ZNF568: variants seen among roughly 807,000 people sequenced by gnomAD.
ZNF568 encodes the protein zinc finger protein 568.
In ZNF568, 11 loss-of-function variants were observed where a neutral mutation model predicts 18.1. That is an observed-to-expected ratio of 0.61 (90% CI 0.38 to 1.00). ZNF568 has a LOEUF of 1.00. ZNF568 is among the 50% of genes least tolerant of loss of function. The pLI, the probability that ZNF568 is intolerant of heterozygous loss-of-function variation, is 0.01. For synonymous variants in ZNF568, 213 were observed against 246.6 expected, an observed-to-expected ratio of 0.86 and a Z score of 1.28; for missense variants, 639 against 768.2, an observed-to-expected ratio of 0.83 and a Z score of 1.99.
chr19:36,989,107 T>G (rs1026223530), intron 2 of ZNF568, among the ~76,000 whole-genome samples: 1 of 152,204 alleles, frequency 6.6e-6, no homozygotes, highest in African/African-American at 2.4e-5. Flanking sequence ...TTCCTAAAAC[T>G]TCTTGGCTTC....
Position 36,950,152 on chromosome 19 carries a change from C to G in ZNF568, c.999C>G (p.Pro333=). 1 of 1,613,464 alleles carries G rather than the reference C, an allele frequency of 6.2e-7. No individual in the cohort carries two copies. The highest frequency in any genetic ancestry group is 8.5e-7 in the Non-Finnish European group (1 of 1,179,790). Residue 333 remains proline, a synonymous_variant, in exon 7 of 7, where the codon CCC becomes CCG. Coordinates refer to ENST00000333987, the MANE Select transcript of ZNF568 (RefSeq NM_198539.4). ...EHERIHTGEK[P]YECKECGKSF... ...AGCGAATTCACACTGGAGAGAAACC[C>G]TATGAATGTAAGGAATGTGGGAAAT...
chr19:36,990,187 T>G (rs1397263173), intron 2 of ZNF568, among the ~76,000 whole-genome samples: 3 of 152,168 alleles, frequency 2.0e-5, no homozygotes, highest in Non-Finnish European at 1.5e-5. Context: ...TTTGAACTTG[T>G]GTAGTATGTG....
At chr19:36,969,781 ATTTTTTTTTT>A (rs200089198) in intron 6 of ZNF568, among the ~76,000 whole-genome samples, 11 of 77,116 alleles carry the variant, frequency 1.4e-4, no homozygotes, top group African/African-American at 4.7e-4. Flanking sequence ...CCATCTCAAG[ATTTTTTTTTT>A]TTTTTTTTTT....
Position 36,950,141 on chromosome 19 carries a change from G to A in ZNF568, c.988G>A (p.Gly330Arg). 1.2e-6 allele frequency: 2 copies of A among 1,613,930 alleles called. No homozygotes were observed. Among genetic ancestry groups the A allele is most frequent in the Non-Finnish European group, 8.5e-7 (1 of 1,179,946 alleles). ...NLIEHERIHTGEKPYECKECG... is the reference protein window; with the variant it reads ...NLIEHERIHTREKPYECKECG... Reference sequence around the variant, plus strand: ...CATTGAACATGAGCGAATTCACACTGGAGAGAAACCCTATGAATGTAAGGA... The same window carrying A: ...CATTGAACATGAGCGAATTCACACTAGAGAGAAACCCTATGAATGTAAGGA... The change falls in exon 7 of 7, where the codon GGA (glycine) becomes AGA (arginine). Residue 330 changes from glycine (G) to arginine (R), a missense_variant. Physicochemically the swap from Gly to Arg is moderately radical, Grantham distance 125. Coordinates refer to ENST00000333987, the MANE Select transcript of ZNF568 (RefSeq NM_198539.4).
intron 6 of ZNF568, among the ~76,000 whole-genome samples, chr19:36,944,796 A>C (rs919072399): frequency 2.0e-5 from 3 of 152,180 alleles, no homozygotes; most frequent in African/African-American, 7.2e-5. Flanking sequence ...ATTAATTTCA[A>C]ATTAACAGTA....
In ZNF568 at chr19:36,922,709, A is replaced by G. The variant is rs1167654082; in HGVS notation, c.-62A>G. On this transcript the variant is annotated 5_prime_UTR_variant, in exon 3 of 7. Coordinates refer to ENST00000333987, the MANE Select transcript of ZNF568 (RefSeq NM_198539.4). The stretch of plus-strand genomic sequence containing the variant: ...TAGAGGCTGGAGAGTCCTGAAAGAG[A>G]GTGGACCCTGGAGTTGCTGGAGCTT... 4 of 1,471,430 alleles carry G rather than the reference A, an allele frequency of 2.7e-6. No homozygotes were observed. Among genetic ancestry groups the G allele is most frequent in the Non-Finnish European group, 3.8e-6 (4 of 1,055,124 alleles). 91.1% of individuals were successfully genotyped at this position (1,471,430 alleles called of 1,614,324 possible). A position where few individuals can be genotyped will look rare whatever the true frequency, so the allele number is the denominator to read the frequency against.
intron 6 of ZNF568, among the ~76,000 whole-genome samples, chr19:36,937,687 T>C (rs535740738): frequency 9.8e-5 from 15 of 152,348 alleles, no homozygotes; most frequent in African/African-American, 3.6e-4. Flanking sequence ...GCCTTAGATT[T>C]GTGTTTGGTT....
chr19:36,929,341 C>A (rs181956536), intron 4 of ZNF568, among the ~76,000 whole-genome samples: 8 of 152,098 alleles, frequency 5.3e-5, no homozygotes, highest in African/African-American at 1.9e-4. Context: ...GAGTTTGAGA[C>A]CAGCTGGATC....
In ZNF568 at chr19:36,931,009, G is replaced by A. The variant is rs77649529; in HGVS notation, c.136-5737G>A. Among the ~76,000 whole-genome samples, 184 of 152,234 alleles carry A rather than the reference G, an allele frequency of 1.2e-3. 4 individuals carry two copies. The East Asian group carries it at 0.032, about 26-fold the overall frequency. ...CTGCTTTTGTGAATAGAAAACAGGCGTTCATTCTTATCCTTGGGGTCTGCA... is the reference window on the plus strand; with the variant it reads ...CTGCTTTTGTGAATAGAAAACAGGCATTCATTCTTATCCTTGGGGTCTGCA... On this transcript the variant is annotated intron_variant, in intron 4 of 6. Coordinates refer to ENST00000333987, the MANE Select transcript of ZNF568 (RefSeq NM_198539.4).
chr19:36,963,408 C>A (rs1245748108), intron 6 of ZNF568, among the ~76,000 whole-genome samples: 2 of 152,110 alleles, frequency 1.3e-5, no homozygotes, highest in Non-Finnish European at 2.9e-5. Context: ...GGGCAGAGTG[C>A]CAGAACAAAT....
intron 4 of ZNF568, among the ~76,000 whole-genome samples, chr19:36,927,891 ATATATATATATATTTTTTTTTTTT>A (rs2073600954): frequency 1.6e-4 from 4 of 24,774 alleles, no homozygotes; most frequent in African/African-American, 9.7e-4. Context: ...TATATATTAT[ATATATATATATATTTTTTTTTTTT>A]TTTTTTTTTT....
At chr19:36,966,275 C>G (rs1328355861) in intron 6 of ZNF568, among the ~76,000 whole-genome samples, 1 of 152,048 alleles carries the variant, frequency 6.6e-6, no homozygotes, top group Non-Finnish European at 1.5e-5. Flanking sequence ...AACAGAGACT[C>G]TGTCTCAAAA....
At chr19:36,984,620 C>G (rs1490004540), downstream of ZNF568, among the ~76,000 whole-genome samples, 1 of 151,794 alleles carries the variant, frequency 6.6e-6, no homozygotes, top group Non-Finnish European at 1.5e-5. Flanking sequence ...ACATGTCAAG[C>G]TCTCCATCTG....
intron 2 of ZNF568, among the ~76,000 whole-genome samples, chr19:36,989,221 T>G (rs928016720): frequency 6.6e-6 from 1 of 152,210 alleles, no homozygotes; most frequent in African/African-American, 2.4e-5. Context: ...CTCCCTCTGT[T>G]GCCTAGGCTA....
intron 6 of ZNF568, among the ~76,000 whole-genome samples, chr19:36,971,401 G>A (rs1360387672): frequency 6.6e-6 from 1 of 151,742 alleles, no homozygotes; most frequent in Non-Finnish European, 1.5e-5. Flanking sequence ...TTGTAAACTA[G>A]AAATACTTAA....
chr19:36,919,100 A>G (rs2073405749), intron 2 of ZNF568, among the ~76,000 whole-genome samples: 1 of 152,204 alleles, frequency 6.6e-6, no homozygotes, highest in African/African-American at 2.4e-5. Context: ...ACATGGGTAT[A>G]CAACTATCTG....
intron 3 of ZNF568, chr19:36,991,451 G>T (rs1247272531): frequency 1.9e-5 from 21 of 1,131,480 alleles, no homozygotes; most frequent in Non-Finnish European, 2.4e-5. Context: ...AGAATGGTTT[G>T]TCTCTTGTGA....
rs1453399270 is a variant in ZNF568, at chr19:36,937,179, A to C, written c.295A>C (p.Lys99Gln). 1 of 1,614,034 alleles carries C rather than the reference A, an allele frequency of 6.2e-7. No homozygotes were observed. Among genetic ancestry groups the C allele is most frequent in the East Asian group, 2.2e-5 (1 of 44,870 alleles). ...CQVTKPDVIF[K>Q]LEQEEEPWVM... Reference sequence around the variant, plus strand: ...AGTCACCAAACCGGATGTGATATTCAAGTTGGAGCAAGAAGAGGAGCCCTG... The same window carrying C: ...AGTCACCAAACCGGATGTGATATTCCAGTTGGAGCAAGAAGAGGAGCCCTG... Residue 99 changes from lysine to glutamine, a missense_variant, in exon 6 of 7, where the codon AAG becomes CAG. By Grantham distance (53) the Lys-to-Gln change is moderately conservative. Coordinates refer to ENST00000333987, the MANE Select transcript of ZNF568 (RefSeq NM_198539.4).
chr19:36,927,583 C>T (rs987886882), intron 4 of ZNF568, among the ~76,000 whole-genome samples: 3 of 151,472 alleles, frequency 2.0e-5, no homozygotes, highest in Non-Finnish European at 4.4e-5. Context: ...GTGTGTTTTA[C>T]ATTGGTTTAA....
Sources: gnomAD v4.1 joint callset for allele counts (sites outside exome capture counted in the v4.1 genomes callset) on GRCh38, gnomAD v4.1.1 for gene constraint, MANE v1.5 for transcripts, NCBI Gene and HGNC (gene_info 2026-07-23, HGNC 2026-07-21) for gene names.